The following PLCL1 variants were observed in gnomAD, a reference collection of about 807,000 sequenced individuals.
The protein encoded by PLCL1 is phospholipase C like 1 (inactive), also known as inactive phospholipase C-like protein 1.
A neutral mutation model predicts 84.4 loss-of-function variants in PLCL1; 41 were observed. The ratio of observed to expected loss-of-function variants is 0.49; its 90% confidence interval spans 0.38 to 0.63. The LOEUF is 0.63. PLCL1 is among the 30% of genes least tolerant of loss of function. The probability of loss-of-function intolerance (pLI) is 0.00; values close to 1 mark genes in which losing one functional copy is unlikely to be tolerated. For missense variants in PLCL1, 1,206 were observed against 1,367.8 expected (o/e 0.88, Z 1.87); for synonymous variants, 490 against 488.3 (o/e 1.00, Z -0.05).
intron 1 of PLCL1, among the ~76,000 whole-genome samples, chr2:198,059,024 C>T (rs1692128993): frequency 6.6e-6 from 1 of 152,124 alleles, no homozygotes; most frequent in South Asian, 2.1e-4. Flanking sequence ...CCTATAACCC[C>T]CAACAGGAAT....
At chr2:198,036,741 A>T (rs1691558436) in intron 1 of PLCL1, among the ~76,000 whole-genome samples, 2 of 152,364 alleles carry the variant, frequency 1.3e-5, no homozygotes, top group East Asian at 1.9e-4. Flanking sequence ...CTACTAGTCC[A>T]TAATGAAAGC....
chr2:197,814,728 A>G (rs1690654671), intron 1 of PLCL1, among the ~76,000 whole-genome samples: 1 of 152,182 alleles, frequency 6.6e-6, no homozygotes, highest in African/African-American at 2.4e-5. Flanking sequence ...GGAAATTAAA[A>G]GTGCTACTCC....
chr2:197,918,971 T>TCTCTCTCTCTCTCTCTCTCTCA lies in PLCL1; in HGVS notation c.240+113633_240+113634insTCTCTCTCTCTCTCTCTCTCAC, dbSNP rs373512508. Among the ~76,000 whole-genome samples the TCTCTCTCTCTCTCTCTCTCTCA allele has an allele frequency of 5.7e-4, 82 of 144,642 alleles. 3 individuals are homozygous for TCTCTCTCTCTCTCTCTCTCTCA. Among genetic ancestry groups the TCTCTCTCTCTCTCTCTCTCTCA allele is most frequent in the South Asian group, 1.8e-3 (8 of 4,486 alleles). The allele number at this position is 144,642 out of a possible 152,430, so 94.9% of individuals were successfully genotyped here. A position where few individuals can be genotyped will look rare whatever the true frequency, so the allele number is the denominator to read the frequency against. ...CTCTCTCTCTCTCTCTCTCTCTCCC[T>TCTCTCTCTCTCTCTCTCTCTCA]CACACACACACATACACACACAAAG... On this transcript the variant is annotated intron_variant, in intron 1 of 5. Coordinates refer to ENST00000428675, the MANE Select transcript of PLCL1 (RefSeq NM_006226.4).
chr2:197,856,180 G>T (rs1473434100), intron 1 of PLCL1, among the ~76,000 whole-genome samples: 1 of 152,124 alleles, frequency 6.6e-6, no homozygotes, highest in Non-Finnish European at 1.5e-5. Flanking sequence ...ATAATATTTT[G>T]TTTCCCAATT....
At chr2:197,927,108 C>G (rs1283888942) in intron 1 of PLCL1, among the ~76,000 whole-genome samples, 1 of 152,158 alleles carries the variant, frequency 6.6e-6, no homozygotes, top group Non-Finnish European at 1.5e-5. Flanking sequence ...CTCTGAAGTC[C>G]CACAACATCT....
chr2:198,058,792 CTTTAT>C (rs952919474), intron 1 of PLCL1, among the ~76,000 whole-genome samples: 1 of 152,010 alleles, frequency 6.6e-6, no homozygotes, highest in Non-Finnish European at 1.5e-5. Context: ...CATATGATTG[CTTTAT>C]TTTATTTTAT....
chr2:197,837,478 G>A (rs1180382969), intron 1 of PLCL1, among the ~76,000 whole-genome samples: 1 of 152,206 alleles, frequency 6.6e-6, no homozygotes, highest in African/African-American at 2.4e-5. Flanking sequence ...TCAGGAGTAT[G>A]TTAGAATTGC....
chr2:198,018,289 C>A (rs1040959515), intron 1 of PLCL1, among the ~76,000 whole-genome samples: 1 of 152,174 alleles, frequency 6.6e-6, no homozygotes, highest in African/African-American at 2.4e-5. Context: ...GGGTTTCAAG[C>A]ACAAAACTGG....
rs74883752 is a variant in PLCL1, at chr2:197,877,409, T to G, written c.240+72070T>G. ...AGTTAATTATACCATTAAAAAAATT[T>G]GTGAAATGTAAAATATTGGCCCATA... On this transcript the variant is annotated intron_variant, in intron 1 of 5. Transcript: ENST00000428675. Among the ~76,000 whole-genome samples, 904 of 152,174 alleles carry G rather than the reference T, an allele frequency of 5.9e-3. 10 individuals are homozygous for G. The highest frequency in any genetic ancestry group is 0.021 in the African/African-American group (865 of 41,528).
At chr2:197,963,253 T>C (rs1689659681) in intron 1 of PLCL1, among the ~76,000 whole-genome samples, 2 of 152,140 alleles carry the variant, frequency 1.3e-5, no homozygotes, top group Non-Finnish European at 2.9e-5. Flanking sequence ...CATTTGTTAT[T>C]GACTGAATTT....
chr2:197,936,182 G>A (rs1296439573), intron 1 of PLCL1, among the ~76,000 whole-genome samples: 1 of 145,634 alleles, frequency 6.9e-6, no homozygotes. Flanking sequence ...GGACACTTAG[G>A]TTGATACCGC....
At chr2:197,923,038 C>T (rs1439446251) in intron 1 of PLCL1, among the ~76,000 whole-genome samples, 7 of 117,900 alleles carry the variant, frequency 5.9e-5, no homozygotes, top group Non-Finnish European at 3.7e-5. Context: ...CGGGCAGAGG[C>T]GCCCCTCACC....
In PLCL1 at chr2:197,805,002, G is replaced by A; in HGVS notation, c.-98G>A. On this transcript the variant is annotated 5_prime_UTR_variant, in exon 1 of 6. Transcript: ENST00000428675. This position sits in a 1 kb window ranked among gnomAD's most constrained non-coding sequence, Gnocchi z 4.0. ...CTGGGCGGTGAAACAAAGTCTGGCG[G>A]GGCCGCCTCCCGGTGCAGGAGCGCA... 7.5e-7 allele frequency: 1 copy of A among 1,332,848 alleles called. No individual in the cohort carries two copies. The allele number at this position is 1,332,848 out of a possible 1,614,324, so 82.6% of individuals were successfully genotyped here.
intron 1 of PLCL1, among the ~76,000 whole-genome samples, chr2:198,004,353 A>G (rs1180448992): frequency 1.3e-5 from 2 of 152,226 alleles, no homozygotes; most frequent in African/African-American, 4.8e-5. Flanking sequence ...TGCCAATGCC[A>G]GGGAACATTT....
At chr2:198,122,417 T>C (rs1693889747) in intron 5 of PLCL1, among the ~76,000 whole-genome samples, 1 of 152,192 alleles carries the variant, frequency 6.6e-6, no homozygotes. Context: ...CCTTTGTGAA[T>C]CATCACCATC....
intron 1 of PLCL1, among the ~76,000 whole-genome samples, chr2:198,070,276 T>A (rs1692429071): frequency 6.6e-6 from 1 of 152,170 alleles, no homozygotes; most frequent in East Asian, 1.9e-4. Flanking sequence ...GTGCATTTAA[T>A]TGAAATCAAA....
chr2:197,947,408 C>T (rs918189320), intron 1 of PLCL1, among the ~76,000 whole-genome samples: 1 of 151,934 alleles, frequency 6.6e-6, no homozygotes, highest in Non-Finnish European at 1.5e-5. Context: ...GCGTGGGAAA[C>T]AAATTTTCAG....
At chr2:197,898,812 G>A (rs1450099035) in intron 1 of PLCL1, among the ~76,000 whole-genome samples, 1 of 147,162 alleles carries the variant, frequency 6.8e-6, no homozygotes, top group African/African-American at 2.6e-5. Flanking sequence ...CACCTTTTCA[G>A]CCTCTGTTTC....
Position 198,083,870 on chromosome 2 carries a change from G to T in PLCL1, c.353G>T (p.Gly118Val). The T allele has an allele frequency of 6.2e-7, 1 of 1,614,108 alleles. No homozygotes were observed. The highest frequency in any genetic ancestry group is 2.2e-5 in the East Asian group (1 of 44,884). The part of the protein sequence containing the change: ...ANDCISFMQA[G>V]CELKKVRPNS... ...GACTGCATCAGCTTCATGCAAGCTG[G>T]CTGTGAGTTGAAGAAAGTCCGGCCA... is the stretch of plus-strand genomic sequence containing the variant. The change falls in exon 2 of 6, where the codon GGC becomes GTC. Residue 118 changes from glycine to valine, a missense_variant. Physicochemically the swap from Gly to Val is moderately radical, Grantham distance 109. Transcript: ENST00000428675.
Sources: gnomAD v4.1 joint callset for allele counts (sites outside exome capture counted in the v4.1 genomes callset) on GRCh38, gnomAD v4.1.1 for gene constraint, Gnocchi (gnomAD v3.1) non-coding constraint, MANE v1.5 for transcripts, NCBI Gene and HGNC (gene_info 2026-07-23, HGNC 2026-07-21) for gene names.